HADHB: variants seen among roughly 807,000 people sequenced by gnomAD.
HADHB encodes trifunctional enzyme subunit beta, mitochondrial.
In HADHB, 50 loss-of-function variants were observed where a neutral mutation model predicts 61.9. That is an observed-to-expected ratio of 0.81 (90% confidence interval 0.64 to 1.02). The LOEUF is 1.02. Ranked by LOEUF, HADHB falls within the 50% of genes least tolerant of loss-of-function variation. HADHB has a pLI of 0.00. For missense variants in HADHB, 504 were observed against 586.5 expected, an observed-to-expected ratio of 0.86 and a Z score of 1.45; for synonymous variants, 191 against 201.6, an observed-to-expected ratio of 0.95 and a Z score of 0.45.
intron 4 of HADHB, among the ~76,000 whole-genome samples, chr2:26,267,312 G>C (rs1448613044): frequency 2.0e-5 from 3 of 152,110 alleles, no homozygotes; most frequent in African/African-American, 7.2e-5. Context: ...AGGAGAACTT[G>C]TAGTGCCGGA....
intron 12 of HADHB, 66 bp from the exon 13 acceptor site, chr2:26,284,051 G>T: frequency 1.2e-6 from 1 of 858,980 alleles, no homozygotes. Flanking sequence ...CTCAGTTTGG[G>T]GAATATGAAG....
In HADHB at chr2:26,257,113, CT is replaced by C. The variant is rs869046974; in HGVS notation, c.109+2654del. On this transcript the variant is annotated intron_variant, in intron 3 of 15. Coordinates refer to ENST00000317799, the MANE Select transcript of HADHB (RefSeq NM_000183.3). ...ACTGGGAAGGCTAAGAGCTCCCCTT[CT>C]TTTTTTTTTTTTTTCTTTTTTTTTG... Among the ~76,000 whole-genome samples the C allele has an allele frequency of 1.9e-3, 262 of 136,214 alleles. 2 individuals are homozygous for C. The highest frequency in any genetic ancestry group is 5.5e-3 in the Admixed American group (74 of 13,506). The allele number at this position is 136,214 out of a possible 152,430, so 89.4% of individuals were successfully genotyped here.
intron 4 of HADHB, among the ~76,000 whole-genome samples, chr2:26,264,643 G>C (rs760815365): frequency 1.3e-4 from 19 of 150,640 alleles, no homozygotes; most frequent in Non-Finnish European, 8.9e-5. Context: ...GTGTATGTGT[G>C]TATACACACA....
In HADHB at chr2:26,278,664, G is replaced by A. The variant is rs766573917; in HGVS notation, c.493G>A (p.Val165Ile). ...GTGTGATGTGATCGTGGCAGGTGGT[G>A]TTGAGTTGATGTCCGATGTCCCTAT... ...GQCDVIVAGGVELMSDVPIRH... is the reference protein window; with the variant it reads ...GQCDVIVAGGIELMSDVPIRH... Residue 165 changes from valine to isoleucine, a missense_variant, in exon 8 of 16, where the codon GTT becomes ATT. Transcript: ENST00000317799. 9 of 1,614,156 alleles carry A rather than the reference G, an allele frequency of 5.6e-6. 1 individual carries two copies. In the South Asian group the frequency reaches 9.9e-5, roughly 18 times the overall value.
chr2:26,268,331 A>G (rs1381769309), intron 4 of HADHB, among the ~76,000 whole-genome samples: 1 of 152,202 alleles, frequency 6.6e-6, no homozygotes, highest in Admixed American at 6.5e-5. Flanking sequence ...TACGTCCGCA[A>G]AGTCTGTGTT....
At chr2:26,262,078 G>A (rs945051900) in intron 3 of HADHB, among the ~76,000 whole-genome samples, 16 of 151,974 alleles carry the variant, frequency 1.1e-4, no homozygotes, top group East Asian at 3.9e-4. Flanking sequence ...TGCTGCCAGC[G>A]TCATCTTTAT....
intron 3 of HADHB, among the ~76,000 whole-genome samples, chr2:26,256,556 C>T (rs866646618): frequency 3.3e-5 from 5 of 151,352 alleles, no homozygotes; most frequent in Admixed American, 6.6e-5. Context: ...TACACACACA[C>T]GTGTATAATA....
At chr2:26,259,449 T>C (rs982047102) in intron 3 of HADHB, among the ~76,000 whole-genome samples, 1 of 152,134 alleles carries the variant, frequency 6.6e-6, no homozygotes, top group African/African-American at 2.4e-5. Context: ...TGATCAAAGA[T>C]CAGCTCCTGG....
chr2:26,253,863 AAT>A (rs1166559703), intron 1 of HADHB, among the ~76,000 whole-genome samples: 409 of 122,574 alleles, frequency 3.3e-3, no homozygotes, highest in Admixed American at 5.4e-3. Flanking sequence ...CAAAAAAATA[AAT>A]AAATAAATAA....
chr2:26,280,272 G>A lies in HADHB; in HGVS notation c.933+157G>A, dbSNP rs1273669461. Among the ~76,000 whole-genome samples, 6 of 151,598 alleles carry A rather than the reference G, an allele frequency of 4.0e-5. No homozygotes were observed. The East Asian group carries it at 5.8e-4, about 15-fold the overall frequency. ...AAGTGGAGTCATTAAAAAAAAAATA[G>A]AATCACGGTTTTAAGGCCCGAGAAG... On this transcript the variant is annotated intron_variant, in intron 10 of 15. Coordinates refer to ENST00000317799, the MANE Select transcript of HADHB (RefSeq NM_000183.3).
chr2:26,278,678 C>A lies in HADHB; in HGVS notation c.507C>A (p.Ser169=). 1.2e-6 allele frequency: 2 copies of A among 1,614,002 alleles called. No individual in the cohort carries two copies. Among genetic ancestry groups the A allele is most frequent in the Non-Finnish European group, 1.7e-6 (2 of 1,179,914 alleles). Residue 169 remains serine, a synonymous_variant, in exon 8 of 16, where the codon TCC becomes TCA. Coordinates refer to ENST00000317799, the MANE Select transcript of HADHB (RefSeq NM_000183.3). ...VIVAGGVELM[S]DVPIRHSRKM... is the part of the protein sequence containing the mutation. ...TGGCAGGTGGTGTTGAGTTGATGTCCGATGTCCCTATTCGTCACTCAAGGA... is the reference window on the plus strand; with the variant it reads ...TGGCAGGTGGTGTTGAGTTGATGTCAGATGTCCCTATTCGTCACTCAAGGA...
intron 7 of HADHB, among the ~76,000 whole-genome samples, chr2:26,277,579 A>C (rs1398495745): frequency 1.3e-5 from 2 of 152,180 alleles, no homozygotes; most frequent in Non-Finnish European, 2.9e-5. Flanking sequence ...ACAGATCTCT[A>C]TACTTGTGTT....
At chr2:26,278,375 A>G (rs972216947) in intron 7 of HADHB, among the ~76,000 whole-genome samples, 5 of 152,250 alleles carry the variant, frequency 3.3e-5, no homozygotes, top group Non-Finnish European at 7.3e-5. Context: ...TCCAATGGAT[A>G]TTCCTAGAAG....
intron 1 of HADHB, among the ~76,000 whole-genome samples, chr2:26,249,249 T>G (rs189196586): frequency 1.3e-5 from 2 of 151,696 alleles, no homozygotes; most frequent in Non-Finnish European, 2.9e-5. Flanking sequence ...AGGGGATTTA[T>G]TAGTCCGGGC....
chr2:26,286,288 C>T (rs1673030125), intron 15 of HADHB, among the ~76,000 whole-genome samples: 1 of 152,078 alleles, frequency 6.6e-6, no homozygotes, highest in Admixed American at 6.5e-5. Flanking sequence ...TTTATAAAAT[C>T]TCTCCAAGAG....
chr2:26,251,710 A>C (rs1190766238), intron 1 of HADHB, among the ~76,000 whole-genome samples: 1 of 152,072 alleles, frequency 6.6e-6, no homozygotes. Flanking sequence ...GGTGATCCTA[A>C]AGCTTGGGCT....
intron 15 of HADHB, among the ~76,000 whole-genome samples, chr2:26,285,821 T>TCCACTTC (rs1360694245): frequency 4.9e-5 from 7 of 142,906 alleles, no homozygotes; most frequent in Non-Finnish European, 1.1e-4. Flanking sequence ...CACTGCAACC[T>TCCACTTC]CCACTTCCCG....
intron 15 of HADHB, among the ~76,000 whole-genome samples, chr2:26,288,867 G>C (rs1322343920): frequency 1.3e-5 from 2 of 151,976 alleles, no homozygotes; most frequent in African/African-American, 4.8e-5. Context: ...GTTTTTTAGA[G>C]GGTGTCTAAA....
At chr2:26,264,649 A>G (rs1672001335) in intron 4 of HADHB, among the ~76,000 whole-genome samples, 1 of 151,922 alleles carries the variant, frequency 6.6e-6, no homozygotes, top group African/African-American at 2.4e-5. Flanking sequence ...GTGTGTATAC[A>G]CACACAACAA....
Sources: gnomAD v4.1 joint callset for allele counts (sites outside exome capture counted in the v4.1 genomes callset) on GRCh38, gnomAD v4.1.1 for gene constraint, MANE v1.5 for transcripts, NCBI Gene and HGNC (gene_info 2026-07-23, HGNC 2026-07-21) for gene names.